The following SMG5 variants were observed in gnomAD, a reference collection of about 807,000 sequenced individuals.
The protein encoded by SMG5 is SMG5 nonsense mediated mRNA decay factor.
SMG5 carries 53 observed loss-of-function variants against 122.9 expected under a neutral mutation model. The observed-to-expected ratio is 0.43, with a 90% confidence interval of 0.35 to 0.54. The LOEUF (loss-of-function observed/expected upper bound fraction) is 0.54. Among genes scored for constraint, SMG5 ranks in the 20% least tolerant of loss-of-function variants. The pLI is 0.01. For synonymous variants in SMG5, 477 were observed against 490.2 expected (o/e 0.97, Z 0.35); for missense variants, 1,153 against 1,285.6 (o/e 0.90, Z 1.58).
rs115667544 is a variant in SMG5 at position 156,281,817 on chromosome 1, G to A, written c.74+790C>T. 1.8e-3 allele frequency among the ~76,000 whole-genome samples: 279 copies of A among 152,306 alleles called. 5 individuals carry two copies. The highest frequency in any genetic ancestry group is 6.8e-3 in the Middle Eastern group (2 of 294). On this transcript the variant is annotated intron_variant, in intron 1 of 21. Coordinates refer to ENST00000361813, the MANE Select transcript of SMG5 (RefSeq NM_015327.3). ...CCCAACAAATTCTCCACCTTTGATGGGAAGAGCTCATTCGGGCCTGTTGCC... is the reference window on the plus strand; with the variant it reads ...CCCAACAAATTCTCCACCTTTGATGAGAAGAGCTCATTCGGGCCTGTTGCC...
At chr1:156,251,157 G>T in intron 20 of SMG5, 161 bp from the exon 21 acceptor site, 2 of 1,007,878 alleles carry the variant, frequency 2.0e-6, no homozygotes, top group South Asian at 1.5e-5. Context: ...AGCAGGCAAA[G>T]GTGCATTGAG....
intron 12 of SMG5, among the ~76,000 whole-genome samples, chr1:156,264,970 G>A (rs367969569): frequency 6.6e-6 from 1 of 151,444 alleles, no homozygotes; most frequent in African/African-American, 2.4e-5. Flanking sequence ...AAGCTGCAGT[G>A]AGCCGAGATC....
rs1662172686 is a variant in SMG5 at position 156,266,781 on chromosome 1, C to G, written c.1118-103G>C. ...ATCTGTTCTCAACTCTTCCAAGGAT[C>G]CAACTACTTATCAAAGATTCTTTTT... On this transcript the variant is annotated intron_variant, in intron 10 of 21. Coordinates refer to ENST00000361813, the MANE Select transcript of SMG5 (RefSeq NM_015327.3). 3 of 1,254,882 alleles carry G rather than the reference C, an allele frequency of 2.4e-6. No homozygotes were observed. In the East Asian group the frequency reaches 7.5e-5, roughly 31 times the overall value. 77.7% of individuals were successfully genotyped at this position (1,254,882 alleles called of 1,614,324 possible).
chr1:156,250,706 G>C, intron 21 of SMG5, 36 bp from the exon 22 acceptor site: 1 of 1,609,598 alleles, frequency 6.2e-7, no homozygotes, highest in Non-Finnish European at 8.5e-7. Flanking sequence ...GAGAGGGTCT[G>C]ACCTCCTGAA....
rs1306082501 is a variant in SMG5 at position 156,266,672 on chromosome 1, T to C, written c.1124A>G (p.Lys375Arg). The change falls in exon 11 of 22, where the codon AAG (lysine) becomes AGG (arginine). Residue 375 changes from lysine to arginine, a missense_variant. Coordinates refer to ENST00000361813, the MANE Select transcript of SMG5 (RefSeq NM_015327.3). Reference protein sequence around the residue: ...CVHSLERAGSKQYSAAIAFTL... With the variant: ...CVHSLERAGSRQYSAAIAFTL... ...GAAGGCAATGGCTGCACTGTACTGC[T>C]TGGATCCTGAAGTCAGGAAAGCCAG... is the stretch of plus-strand genomic sequence containing the variant. 2.5e-6 allele frequency: 4 copies of C among 1,614,042 alleles called. No homozygotes were observed. The highest frequency in any genetic ancestry group is 3.3e-4 in the Middle Eastern group (2 of 6,084).
At position 156,249,742 on chromosome 1, in the gene SMG5, A is replaced by G. The variant is rs1158710079; in HGVS notation, c.*845T>C. 1 of 470,046 alleles carries G rather than the reference A, an allele frequency of 2.1e-6. No individual in the cohort carries two copies. The highest frequency in any genetic ancestry group is 2.0e-5 in the African/African-American group (1 of 50,142). 29.1% of individuals were successfully genotyped at this position (470,046 alleles called of 1,614,324 possible). On this transcript the variant is annotated 3_prime_UTR_variant, in exon 22 of 22. Coordinates refer to ENST00000361813, the MANE Select transcript of SMG5 (RefSeq NM_015327.3). ...ATAGGAAGGGGGGTGGTGGCCTCAG[A>G]CTGCACCCCCTTTCTTCTCTTCCTG...
chr1:156,268,090 C>T, intron 9 of SMG5, 25 bp downstream of exon 9: 1 of 1,612,370 alleles, frequency 6.2e-7, no homozygotes, highest in Non-Finnish European at 8.5e-7. Flanking sequence ...CAGGATAGTT[C>T]AGGTTCATGC....
chr1:156,288,523 A>G, the SMG5 span, among the ~76,000 whole-genome samples: 1 of 151,744 alleles, frequency 6.6e-6, no homozygotes, highest in East Asian at 1.9e-4. Context: ...TTTTTAGTAG[A>G]GACAGGGTTT....
chr1:156,260,431 A>C lies in SMG5; in HGVS notation c.2283+20T>G. 6.3e-7 allele frequency: 1 copy of C among 1,592,830 alleles called. No homozygotes were observed. On this transcript the variant is annotated intron_variant, in intron 15 of 21. Coordinates refer to ENST00000361813, the MANE Select transcript of SMG5 (RefSeq NM_015327.3). ...TGTGACTGACAAACAGAGCTGTGGC[A>C]TAAGAAATGCTATCCTTACCTCCTC...
chr1:156,256,694 C>T (rs989327249), intron 16 of SMG5, among the ~76,000 whole-genome samples: 1 of 152,040 alleles, frequency 6.6e-6, no homozygotes, highest in Non-Finnish European at 1.5e-5. Context: ...TGTAGGCCTA[C>T]GCGTTCCTCA....
chr1:156,252,387 G>T (rs1378022624), intron 19 of SMG5, 27 bp downstream of exon 19: 1 of 1,608,426 alleles, frequency 6.2e-7, no homozygotes, highest in East Asian at 2.2e-5. Flanking sequence ...CCAGGGCTCA[G>T]CACAGGTCCA....
intron 6 of SMG5, among the ~76,000 whole-genome samples, chr1:156,272,787 A>G (rs559428138): frequency 6.6e-6 from 1 of 151,988 alleles, no homozygotes; most frequent in Non-Finnish European, 1.5e-5. Flanking sequence ...CGTGGTCTCA[A>G]TCTCCTGACG....
At chr1:156,291,350 T>A in the SMG5 span, 1 of 1,603,060 alleles carries the variant, frequency 6.2e-7, no homozygotes, top group South Asian at 1.1e-5. Flanking sequence ...CGCGCTTCCC[T>A]CGAGAGTAGC....
chr1:156,251,521 G>A (rs1345243700), intron 19 of SMG5, 44 bp from the exon 20 acceptor site: 1 of 1,599,104 alleles, frequency 6.3e-7, no homozygotes, highest in East Asian at 2.2e-5. Context: ...CAGGAGACTG[G>A]CAGGGTGCCT....
At chr1:156,284,842 TC>T (rs1378530918), upstream of SMG5, among the ~76,000 whole-genome samples, 2 of 152,286 alleles carry the variant, frequency 1.3e-5, no homozygotes, top group South Asian at 2.1e-4. Flanking sequence ...TGCCTCCTAT[TC>T]CTGCATTAGA....
intron 2 of SMG5, among the ~76,000 whole-genome samples, chr1:156,278,398 A>G (rs1038487451): frequency 4.8e-5 from 7 of 146,746 alleles, no homozygotes; most frequent in Admixed American, 4.7e-4. Flanking sequence ...TTTTTGAGAC[A>G]GGGTCTCACT....
upstream of SMG5, chr1:156,286,420 C>T (rs1299378897): frequency 5.6e-6 from 9 of 1,614,078 alleles, no homozygotes; most frequent in Middle Eastern, 1.6e-4. Context: ...CTTACCTGCC[C>T]CAGGATACCC....
chr1:156,277,785 T>C, intron 3 of SMG5, 140 bp downstream of exon 3: 1 of 1,095,382 alleles, frequency 9.1e-7, no homozygotes. Flanking sequence ...GTGCTGGGAT[T>C]ACACGCATGA....
chr1:156,262,718 T>G (rs1040754985), intron 13 of SMG5, among the ~76,000 whole-genome samples: 3 of 152,128 alleles, frequency 2.0e-5, no homozygotes, highest in Non-Finnish European at 2.9e-5. Flanking sequence ...TCATCAGACA[T>G]AAGCACACAC....
Sources: allele counts gnomAD v4.1 joint callset (sites outside exome capture counted in the v4.1 genomes callset), GRCh38; gene constraint gnomAD v4.1.1; transcripts MANE v1.5; gene names NCBI Gene and HGNC (gene_info 2026-07-23, HGNC 2026-07-21).